DMD: variants seen among roughly 807,000 people sequenced by gnomAD.
DMD encodes the protein mutant dystrophin.
DMD carries 63 observed loss-of-function variants against 330.1 expected under a neutral mutation model. That is an observed-to-expected ratio of 0.19 (90% CI 0.16 to 0.24). The LOEUF (loss-of-function observed/expected upper bound fraction) is 0.24, where lower values mean the gene tolerates loss of function less well. DMD is among the 10% of genes least tolerant of loss of function. DMD has a pLI of 1.00. For synonymous variants in DMD, 1,223 were observed against 959.8 expected, an observed-to-expected ratio of 1.27 and a Z score of -5.07; for missense variants, 3,344 against 2,684.1, an observed-to-expected ratio of 1.25 and a Z score of -5.43.
intron 44 of DMD, among the ~76,000 whole-genome samples, chrX:32,141,703 AC>A (rs1407513418): frequency 9.3e-6 from 1 of 107,153 alleles, no homozygotes; most frequent in Admixed American, 1.0e-4. Flanking sequence ...ACACACACAC[AC>A]ACACACACAC....
intron 2 of DMD, among the ~76,000 whole-genome samples, chrX:32,867,448 A>G (rs995652731): frequency 7.1e-5 from 8 of 112,365 alleles, no homozygotes; most frequent in Non-Finnish European, 1.3e-4. Context: ...ACAAAGCTCA[A>G]AGAAAAAATT....
intron 11 of DMD, among the ~76,000 whole-genome samples, chrX:32,616,786 T>A (rs1444900147): frequency 9.8e-6 from 1 of 102,538 alleles, no homozygotes; most frequent in Non-Finnish European, 2.0e-5. Flanking sequence ...GTGTTGTAGC[T>A]TACAGGACCT....
chrX:32,980,185 G>A (rs776332629), intron 2 of DMD, among the ~76,000 whole-genome samples: 8 of 108,728 alleles, frequency 7.4e-5, no homozygotes, highest in Non-Finnish European at 1.5e-4. Context: ...GGCCAACGTG[G>A]TGAAACTCCG....
rs1402480873 is a variant in DMD at position 31,474,713 on chromosome X, AAAAT to A, written c.8937+3389_8937+3392del. ...GACAGAGCGAGACTGTCGCAAAAAAAAAATAAAATAAAATAAAATAAAATAAAAT... is the reference window on the plus strand; with the variant it reads ...GACAGAGCGAGACTGTCGCAAAAAAAAAAATAAAATAAAATAAAATAAAAT... On this transcript the variant is annotated intron_variant, in intron 59 of 78. Transcript: ENST00000357033. 3.2e-3 allele frequency among the ~76,000 whole-genome samples: 263 copies of A among 81,335 alleles called. 2 individuals are homozygous for A. Among genetic ancestry groups the A allele is most frequent in the African/African-American group, 0.015 (247 of 16,857 alleles). The allele number at this position is 81,335 out of a possible 115,157, so 70.6% of individuals were successfully genotyped here.
At chrX:31,199,811 C>A (rs2043257393) in intron 67 of DMD, among the ~76,000 whole-genome samples, 1 of 112,333 alleles carries the variant, frequency 8.9e-6, no homozygotes, top group South Asian at 3.8e-4. Flanking sequence ...TTACCTCAGG[C>A]TGGTAGAAAT....
intron 1 of DMD, among the ~76,000 whole-genome samples, chrX:33,243,386 TAAAC>T (rs1169530612): frequency 2.7e-5 from 3 of 111,690 alleles, no homozygotes; most frequent in Non-Finnish European, 5.6e-5. Context: ...AAAAAACAAA[TAAAC>T]AAAAAAATCT....
At chrX:31,932,048 A>G in intron 46 of DMD, 32 bp downstream of exon 46, 10 of 1,203,419 alleles carry the variant, frequency 8.3e-6, no homozygotes, top group Non-Finnish European at 1.1e-5. Flanking sequence ...TTATGCAAGC[A>G]GGCCCTGGGG....
chrX:32,372,504 G>C (rs759359127), intron 34 of DMD, among the ~76,000 whole-genome samples: 3 of 111,489 alleles, frequency 2.7e-5, no homozygotes, highest in African/African-American at 9.7e-5. Context: ...ACAGCTATCA[G>C]TGTTTGTCAC....
intron 7 of DMD, among the ~76,000 whole-genome samples, chrX:32,793,568 A>C (rs2075976118): frequency 9.0e-6 from 1 of 111,183 alleles, no homozygotes; most frequent in African/African-American, 3.3e-5. Flanking sequence ...CAAAATCATA[A>C]ATGAAGACGG....
At chrX:32,218,867 T>C (rs1291514877) in intron 43 of DMD, among the ~76,000 whole-genome samples, 1 of 112,101 alleles carries the variant, frequency 8.9e-6, no homozygotes, top group East Asian at 2.8e-4. Context: ...ACATGCTCTC[T>C]TGTGAAATTA....
intron 44 of DMD, among the ~76,000 whole-genome samples, chrX:31,979,801 C>G (rs1427488279): frequency 8.9e-6 from 1 of 112,038 alleles, no homozygotes; most frequent in Non-Finnish European, 1.9e-5. Flanking sequence ...AGAAAAGAAA[C>G]AAAACAGGAA....
In DMD at chrX:31,649,237, A is replaced by G. The variant is rs770996272; in HGVS notation, c.8027+8753T>C. 3.4e-3 allele frequency among the ~76,000 whole-genome samples: 383 copies of G among 111,706 alleles called. 2 individuals are homozygous for G. Among genetic ancestry groups the G allele is most frequent in the African/African-American group, 0.012 (371 of 30,769 alleles). ...GATAATACTATTGTTTTTCCTGGGA[A>G]AACTGATACATAGGAGCATTTCTAA... On this transcript the variant is annotated intron_variant, in intron 54 of 78. Coordinates refer to ENST00000357033, the MANE Select transcript of DMD (RefSeq NM_004006.3).
At chrX:32,844,464 A>G (rs2080473318) in intron 4 of DMD, among the ~76,000 whole-genome samples, 1 of 111,043 alleles carries the variant, frequency 9.0e-6, no homozygotes, top group Non-Finnish European at 1.9e-5. Flanking sequence ...AGAAAAGCAA[A>G]GTAAGAAAAG....
At chrX:32,878,229 T>G (rs1477553777) in intron 2 of DMD, among the ~76,000 whole-genome samples, 1 of 110,502 alleles carries the variant, frequency 9.0e-6, no homozygotes, top group Non-Finnish European at 1.9e-5. Flanking sequence ...AAGACAAAAA[T>G]TAGCCGGGTG....
chrX:33,275,050 G>A (rs111649978), intron 1 of DMD, among the ~76,000 whole-genome samples: 6 of 111,566 alleles, frequency 5.4e-5, no homozygotes, highest in African/African-American at 2.0e-4. Flanking sequence ...TGTCTTTGTC[G>A]TGTTGTGCTG....
At chrX:31,790,497 G>A (rs1174795376) in intron 50 of DMD, among the ~76,000 whole-genome samples, 3 of 111,468 alleles carry the variant, frequency 2.7e-5, no homozygotes, top group East Asian at 2.8e-4. Context: ...TTATAAAAAC[G>A]TAAGCTATCA....
chrX:32,729,212 T>G (rs1193617265), intron 7 of DMD, among the ~76,000 whole-genome samples: 1 of 111,994 alleles, frequency 8.9e-6, no homozygotes, highest in Non-Finnish European at 1.9e-5. Flanking sequence ...ATTTTCAGAT[T>G]ATGGATGCTC....
At chrX:32,627,162 C>G (rs1025725226) in intron 11 of DMD, among the ~76,000 whole-genome samples, 4 of 72,444 alleles carry the variant, frequency 5.5e-5, no homozygotes, top group Non-Finnish European at 9.5e-5. Flanking sequence ...CCCCCCCCGC[C>G]CCAGGACACA....
chrX:31,122,155 A>C (rs1189621227), intron 78 of DMD, among the ~76,000 whole-genome samples: 2 of 111,932 alleles, frequency 1.8e-5, no homozygotes, highest in Non-Finnish European at 3.8e-5. Flanking sequence ...TATCAGCTTA[A>C]TGTTGGATCA....
Sources: allele counts gnomAD v4.1 joint callset (sites outside exome capture counted in the v4.1 genomes callset), GRCh38; gene constraint gnomAD v4.1.1; transcripts MANE v1.5; gene names NCBI Gene and HGNC (gene_info 2026-07-23, HGNC 2026-07-21).